The following RALA variants were observed in gnomAD, a reference collection of about 807,000 sequenced individuals.
RALA encodes the protein RAS like proto-oncogene A, also known as ras-related protein Ral-A.
Under a neutral mutation model 24.0 loss-of-function variants are expected in RALA, and 5 were observed. The ratio of observed to expected loss-of-function variants is 0.21; its 90% confidence interval spans 0.11 to 0.44. The LOEUF is 0.44. RALA is among the 20% of genes least tolerant of loss of function. The pLI, the probability that RALA is intolerant of heterozygous loss-of-function variation, is 0.99. For synonymous variants in RALA, 77 were observed against 83.8 expected (o/e 0.92, Z 0.44); for missense variants, 95 against 241.2 (o/e 0.39, Z 4.01).
chr7:39,654,167 A>G (rs1194565357), intron 1 of RALA, among the ~76,000 whole-genome samples: 1 of 152,228 alleles, frequency 6.6e-6, no homozygotes, highest in African/African-American at 2.4e-5. Context: ...TTTAATTGAA[A>G]ACATTTTTAT....
intron 1 of RALA, among the ~76,000 whole-genome samples, chr7:39,656,183 G>A (rs1792093395): frequency 6.6e-6 from 1 of 152,186 alleles, no homozygotes; most frequent in Non-Finnish European, 1.5e-5. Flanking sequence ...CAAGTGAACT[G>A]TAACTAGCAA....
intron 1 of RALA, among the ~76,000 whole-genome samples, chr7:39,685,946 C>G (rs1562622355): frequency 6.6e-6 from 1 of 152,154 alleles, no homozygotes; most frequent in Admixed American, 6.5e-5. Context: ...TGGCTCACGC[C>G]TGTAATCCCA....
chr7:39,704,399 G>A (rs527888693), intron 4 of RALA, among the ~76,000 whole-genome samples: 10 of 151,624 alleles, frequency 6.6e-5, no homozygotes, highest in Admixed American at 2.0e-4. Flanking sequence ...TCAGCTCACC[G>A]CAACCTCCGC....
intron 1 of RALA, among the ~76,000 whole-genome samples, chr7:39,681,411 C>T (rs376865932): frequency 6.3e-5 from 9 of 141,910 alleles, no homozygotes; most frequent in African/African-American, 1.6e-4. Context: ...TGGAGCCTCC[C>T]GGGTTCAGGC....
At chr7:39,698,707 A>G (rs1214160819) in intron 4 of RALA, among the ~76,000 whole-genome samples, 2 of 152,182 alleles carry the variant, frequency 1.3e-5, no homozygotes, top group Non-Finnish European at 2.9e-5. Context: ...AGATGCAGAC[A>G]CTGGCAATCC....
chr7:39,646,483 A>T (rs528754329), intron 1 of RALA, among the ~76,000 whole-genome samples: 23 of 152,074 alleles, frequency 1.5e-4, no homozygotes, highest in African/African-American at 5.3e-4. Context: ...AATGAGCCAG[A>T]TGTGGCAGCA....
At position 39,670,530 on chromosome 7, in the gene RALA, T is replaced by C. The variant is rs888913733; in HGVS notation, c.-37-16101T>C. Among the ~76,000 whole-genome samples, 3 of 152,228 alleles carry C rather than the reference T, an allele frequency of 2.0e-5. No homozygotes were observed. In the East Asian group the frequency reaches 5.8e-4, roughly 29 times the overall value. The stretch of plus-strand genomic sequence containing the variant: ...ATGTATTTAATTTCCAAATATGTAA[T>C]ACATTCACATGGATCAAAATTCAAA... On this transcript the variant is annotated intron_variant, in intron 1 of 4. Transcript: ENST00000005257.
chr7:39,699,331 G>A (rs1393971105), intron 4 of RALA, among the ~76,000 whole-genome samples: 6 of 150,456 alleles, frequency 4.0e-5, no homozygotes, highest in African/African-American at 1.2e-4. Context: ...TAGTAGAGAC[G>A]GGGTTTCACC....
At chr7:39,674,049 AT>A (rs11346245) in intron 1 of RALA, among the ~76,000 whole-genome samples, 2,982 of 68,942 alleles carry the variant, frequency 0.043, 74 homozygotes, top group African/African-American at 0.14. Context: ...CTGTAAATAA[AT>A]AAATAAATAA....
At chr7:39,639,917 T>C (rs544750589) in intron 1 of RALA, among the ~76,000 whole-genome samples, 10 of 152,246 alleles carry the variant, frequency 6.6e-5, no homozygotes, top group East Asian at 3.9e-4. Context: ...GGGTTTTTTT[T>C]CCCTTATTTC....
intron 1 of RALA, among the ~76,000 whole-genome samples, chr7:39,631,442 T>G (rs1791597802): frequency 6.6e-6 from 1 of 152,074 alleles, no homozygotes. Flanking sequence ...CACTGCAGCC[T>G]TGAACTCCTG....
chr7:39,637,208 C>T (rs1791697001), intron 1 of RALA, among the ~76,000 whole-genome samples: 1 of 152,142 alleles, frequency 6.6e-6, no homozygotes, highest in Non-Finnish European at 1.5e-5. Context: ...CAGTTATAGC[C>T]AAAGTAACCC....
At chr7:39,675,840 A>G (rs769690426) in intron 1 of RALA, among the ~76,000 whole-genome samples, 8 of 151,718 alleles carry the variant, frequency 5.3e-5, no homozygotes, top group Non-Finnish European at 8.8e-5. Context: ...TGTTTTTTTA[A>G]TTGAGCAAAT....
At chr7:39,692,931 G>C (rs916660711) in intron 3 of RALA, among the ~76,000 whole-genome samples, 2 of 152,226 alleles carry the variant, frequency 1.3e-5, no homozygotes, top group Non-Finnish European at 2.9e-5. Context: ...AGATGCTGGA[G>C]AGGATGTGGA....
Position 39,623,938 on chromosome 7 carries a change from A to G in RALA, c.-38+113A>G, listed in dbSNP as rs1791425812. The G allele has an allele frequency of 6.6e-6, 1 of 151,864 alleles. No homozygotes were observed. Among genetic ancestry groups the G allele is most frequent in the Admixed American group, 6.6e-5 (1 of 15,266 alleles). The allele number at this position is 151,864 out of a possible 1,614,324, so 9.4% of individuals were successfully genotyped here. A position where few individuals can be genotyped will look rare whatever the true frequency, so the allele number is the denominator to read the frequency against. Reference sequence around the variant, plus strand: ...GCCCTGACGCGGGTTCGGGCTGCCGAGATTGCACATCCCACGTTCTGCCCG... The same window carrying G: ...GCCCTGACGCGGGTTCGGGCTGCCGGGATTGCACATCCCACGTTCTGCCCG... On this transcript the variant is annotated intron_variant, in intron 1 of 4. Coordinates refer to ENST00000005257, the MANE Select transcript of RALA (RefSeq NM_005402.4). The surrounding 1 kb of genome is among the most constrained non-coding windows in gnomAD (Gnocchi z 4.9).
intron 1 of RALA, among the ~76,000 whole-genome samples, chr7:39,644,106 A>G (rs1213434924): frequency 6.6e-6 from 1 of 152,218 alleles, no homozygotes; most frequent in African/African-American, 2.4e-5. Flanking sequence ...ACTGAATATA[A>G]CTCAGAAATC....
chr7:39,689,195 C>T (rs1262131239), intron 2 of RALA, among the ~76,000 whole-genome samples: 1 of 152,054 alleles, frequency 6.6e-6, no homozygotes, highest in East Asian at 1.9e-4. Context: ...TGCCATGTGT[C>T]CCAGTCTGAT....
intron 1 of RALA, among the ~76,000 whole-genome samples, chr7:39,633,826 C>T (rs1425879242): frequency 6.6e-6 from 1 of 152,196 alleles, no homozygotes; most frequent in Non-Finnish European, 1.5e-5. Context: ...GTTGGCCCAG[C>T]ATCCTGCACA....
intron 1 of RALA, among the ~76,000 whole-genome samples, chr7:39,644,778 A>G (rs1180691029): frequency 6.6e-6 from 1 of 152,196 alleles, no homozygotes. Context: ...GATTAGGTAA[A>G]TATATAGTCC....
Sources: gnomAD v4.1 joint callset for allele counts (sites outside exome capture counted in the v4.1 genomes callset) on GRCh38, gnomAD v4.1.1 for gene constraint, Gnocchi (gnomAD v3.1) non-coding constraint, MANE v1.5 for transcripts, NCBI Gene and HGNC (gene_info 2026-07-23, HGNC 2026-07-21) for gene names.